TRAPPC8: variants seen among roughly 807,000 people sequenced by gnomAD.
TRAPPC8 encodes general sporulation gene 1 homolog.
In TRAPPC8, 54 loss-of-function variants were observed where a neutral mutation model predicts 174.3. The ratio of observed to expected loss-of-function variants is 0.31; its 90% CI spans 0.25 to 0.39. The LOEUF is 0.39. Among genes scored for constraint, TRAPPC8 ranks in the 10% least tolerant of loss-of-function variants. TRAPPC8 has a pLI of 1.00. For missense variants in TRAPPC8, 1,531 were observed against 1,699.1 expected, an observed-to-expected ratio of 0.90 and a Z score of 1.74; for synonymous variants, 630 against 579.9, an observed-to-expected ratio of 1.09 and a Z score of -1.24.
Position 31,857,460 on chromosome 18 carries a change from T to C in TRAPPC8, c.3188+80A>G, listed in dbSNP as rs182857282. 1.7e-5 allele frequency: 20 copies of C among 1,161,392 alleles called. No homozygotes were observed. In the East Asian group the frequency reaches 4.9e-4, roughly 28 times the overall value. The allele number at this position is 1,161,392 out of a possible 1,614,324, so 71.9% of individuals were successfully genotyped here. ...ACAGAGTAATTTCTTAACATGTTAG[T>C]AAATATCAAAATGTTTATCTGAATA... On this transcript the variant is annotated intron_variant, in intron 20 of 28. Coordinates refer to ENST00000283351, the MANE Select transcript of TRAPPC8 (RefSeq NM_014939.5).
chr18:31,882,293 A>G (rs1412585356), intron 12 of TRAPPC8, among the ~76,000 whole-genome samples: 1 of 152,202 alleles, frequency 6.6e-6, no homozygotes, highest in Non-Finnish European at 1.5e-5. Flanking sequence ...ATGGTATCAT[A>G]TCCTTTGCAG....
chr18:31,874,357 C>CT (rs1420909909), intron 13 of TRAPPC8, 123 bp downstream of exon 13: 2 of 1,070,586 alleles, frequency 1.9e-6, no homozygotes, highest in Non-Finnish European at 2.6e-6. Flanking sequence ...CCTGCCACAG[C>CT]TTTTTTATGA....
At chr18:31,831,879 T>C (rs2144902507) in intron 28 of TRAPPC8, among the ~76,000 whole-genome samples, 1 of 152,260 alleles carries the variant, frequency 6.6e-6, no homozygotes, top group South Asian at 2.1e-4. Flanking sequence ...TTTTTTTTGT[T>C]GTTAAGTACT....
At chr18:31,838,430 G>A (rs1271693016) in intron 27 of TRAPPC8, among the ~76,000 whole-genome samples, 3 of 152,072 alleles carry the variant, frequency 2.0e-5, no homozygotes, top group Non-Finnish European at 4.4e-5. Flanking sequence ...ATCTACTAAG[G>A]ATTTTGTTAG....
Position 31,830,368 on chromosome 18 carries a change from G to A in TRAPPC8, c.*387C>T, listed in dbSNP as rs561826453. ...CTTCACAGTAAAGCTGGAATTTAGAGACTAATGGCTTAACAGGAGTACTGC... is the reference window on the plus strand; with the variant it reads ...CTTCACAGTAAAGCTGGAATTTAGAAACTAATGGCTTAACAGGAGTACTGC... On this transcript the variant is annotated 3_prime_UTR_variant, in exon 29 of 29. Coordinates refer to ENST00000283351, the MANE Select transcript of TRAPPC8 (RefSeq NM_014939.5). 5.9e-6 allele frequency: 1 copy of A among 170,284 alleles called. No homozygotes were observed. The highest frequency in any genetic ancestry group is 1.6e-4 in the South Asian group (1 of 6,382). 10.5% of individuals were successfully genotyped at this position (170,284 alleles called of 1,614,324 possible). A position where few individuals can be genotyped will look rare whatever the true frequency, so the allele number is the denominator to read the frequency against.
At chr18:31,924,281 G>A (rs1272075917) in intron 2 of TRAPPC8, among the ~76,000 whole-genome samples, 2 of 144,324 alleles carry the variant, frequency 1.4e-5, no homozygotes, top group African/African-American at 5.1e-5. Flanking sequence ...GCAAGAATCC[G>A]TCTCAAAAAA....
intron 27 of TRAPPC8, 48 bp from the exon 28 acceptor site, chr18:31,832,221 A>C: frequency 8.2e-7 from 1 of 1,222,436 alleles, no homozygotes; most frequent in Non-Finnish European, 1.1e-6. Flanking sequence ...TTTCTTCTTA[A>C]AAGCAATTTT....
chr18:31,941,400 G>A (rs71361360), intron 1 of TRAPPC8, among the ~76,000 whole-genome samples: 1 of 152,010 alleles, frequency 6.6e-6, no homozygotes, highest in South Asian at 2.1e-4. Context: ...CTGAGATCGC[G>A]CCACTGCACT....
At chr18:31,882,556 G>A (rs1324640336) in intron 12 of TRAPPC8, among the ~76,000 whole-genome samples, 2 of 152,048 alleles carry the variant, frequency 1.3e-5, no homozygotes, top group Non-Finnish European at 2.9e-5. Context: ...CCAAATCACA[G>A]CATTACACAA....
intron 1 of TRAPPC8, among the ~76,000 whole-genome samples, chr18:31,932,581 TTC>T (rs1283713291): frequency 6.6e-6 from 1 of 152,142 alleles, no homozygotes; most frequent in Admixed American, 6.6e-5. Flanking sequence ...AGGGAATAGG[TTC>T]TGAGGCAATT....
intron 2 of TRAPPC8, 76 bp from the exon 3 acceptor site, chr18:31,917,743 T>C (rs1342168711): frequency 1.5e-6 from 2 of 1,370,662 alleles, no homozygotes; most frequent in East Asian, 2.3e-5. Context: ...TTCAAGTCCA[T>C]ATTCCTAAAA....
Position 31,874,487 on chromosome 18 carries a change from A to T in TRAPPC8, c.1946T>A (p.Val649Asp), listed in dbSNP as rs745316312. The T allele has an allele frequency of 6.2e-7, 1 of 1,613,856 alleles. No individual in the cohort carries two copies. The highest frequency in any genetic ancestry group is 8.5e-7 in the Non-Finnish European group (1 of 1,179,784). The change falls in exon 13 of 29, where the codon GTT (valine) becomes GAT (aspartate). Residue 649 changes from valine to aspartate, a missense_variant. By Grantham distance (152) the Val-to-Asp change is radical (BLOSUM62 -3). Coordinates refer to ENST00000283351, the MANE Select transcript of TRAPPC8 (RefSeq NM_014939.5). ...ATGAAAATAAGCAGTCACCTTGTAAACATAAAGATATTCTCTGAGGAAAGC... is the reference window on the plus strand; with the variant it reads ...ATGAAAATAAGCAGTCACCTTGTAATCATAAAGATATTCTCTGAGGAAAGC... ...QGAFLREYLY[V>D]YKNVSQLSPD...
chr18:31,856,115 T>G (rs934110092), intron 20 of TRAPPC8, among the ~76,000 whole-genome samples: 3 of 151,962 alleles, frequency 2.0e-5, no homozygotes, highest in African/African-American at 7.3e-5. Context: ...TCTCTCTCTT[T>G]TTTTTTTGAG....
chr18:31,847,630 T>TA (rs1230703491), intron 25 of TRAPPC8, among the ~76,000 whole-genome samples: 1 of 152,206 alleles, frequency 6.6e-6, no homozygotes, highest in Admixed American at 6.5e-5. Flanking sequence ...AGTGCTGCAG[T>TA]AAGGCATAGG....
intron 13 of TRAPPC8, 33 bp from the exon 14 acceptor site, chr18:31,873,571 T>C (rs1412561666): frequency 1.3e-6 from 2 of 1,511,686 alleles, no homozygotes; most frequent in Non-Finnish European, 1.8e-6. Flanking sequence ...AAAAAGTAGT[T>C]TTTGTGAAAA....
chr18:31,912,634 C>G (rs1003040887), intron 5 of TRAPPC8, among the ~76,000 whole-genome samples: 2 of 151,854 alleles, frequency 1.3e-5, no homozygotes, highest in South Asian at 2.1e-4. Flanking sequence ...GCACTCCAGC[C>G]TTGGCGACAG....
chr18:31,909,085 AG>A, intron 6 of TRAPPC8, 75 bp from the exon 7 acceptor site: 2 of 1,333,032 alleles, frequency 1.5e-6, no homozygotes, highest in Non-Finnish European at 1.0e-6. Flanking sequence ...ATACTGCTAA[AG>A]AAAAAAAAAA....
chr18:31,834,115 T>TG (rs1335882575), intron 27 of TRAPPC8, among the ~76,000 whole-genome samples: 105 of 151,544 alleles, frequency 6.9e-4, no homozygotes, highest in Non-Finnish European at 5.9e-4. Flanking sequence ...TTGTTGTTGT[T>TG]TTTTATTCTT....
rs2036395356 is a variant in TRAPPC8 at position 31,900,954 on chromosome 18, T to C, written c.1461A>G (p.Thr487=). The change falls in exon 10 of 29, where the codon ACA becomes ACG. Residue 487 remains threonine (T), a synonymous_variant. Coordinates refer to ENST00000283351, the MANE Select transcript of TRAPPC8 (RefSeq NM_014939.5). ...AGATATCTCTGTATGTCTGAATTGC[T>C]GTATCCATGTAATGAGCAGGATATG... is the stretch of plus-strand genomic sequence containing the variant. ...PRPYPAHYMD[T]AIQTYRDICK... 2 of 1,596,770 alleles carry C rather than the reference T, an allele frequency of 1.3e-6. No individual in the cohort carries two copies. The highest frequency in any genetic ancestry group is 2.3e-5 in the South Asian group (2 of 86,812).
Sources: allele counts gnomAD v4.1 joint callset (sites outside exome capture counted in the v4.1 genomes callset), GRCh38; gene constraint gnomAD v4.1.1; transcripts MANE v1.5; gene names NCBI Gene and HGNC (gene_info 2026-07-23, HGNC 2026-07-21).